The following CCDC148 variants were observed in gnomAD, a reference collection of about 807,000 sequenced individuals.
CCDC148 encodes coiled-coil domain containing 148.
A neutral mutation model predicts 85.7 loss-of-function variants in CCDC148; 89 were observed. That is an observed-to-expected ratio of 1.04 (90% CI 0.87 to 1.24). The LOEUF is 1.24. Among genes scored for constraint, CCDC148 ranks in the 50% most tolerant of loss-of-function variants. The pLI is 0.00. For missense variants in CCDC148, 692 were observed against 671.7 expected (o/e 1.03, Z -0.33); for synonymous variants, 230 against 213.9 (o/e 1.08, Z -0.66).
intron 10 of CCDC148, among the ~76,000 whole-genome samples, chr2:158,245,224 G>T (rs1325905540): frequency 1.3e-5 from 2 of 152,050 alleles, no homozygotes; most frequent in African/African-American, 4.8e-5. Context: ...CCTCTTCTTG[G>T]TTCTCTGCAG....
At chr2:158,435,487 T>C (rs1687601633) in intron 1 of CCDC148, among the ~76,000 whole-genome samples, 1 of 152,064 alleles carries the variant, frequency 6.6e-6, no homozygotes, top group Non-Finnish European at 1.5e-5. Flanking sequence ...GCAATAAACA[T>C]GGAAAGCAAC....
At chr2:158,368,254 A>AT (rs1419640898) in intron 1 of CCDC148, among the ~76,000 whole-genome samples, 3 of 152,156 alleles carry the variant, frequency 2.0e-5, no homozygotes, top group African/African-American at 7.2e-5. Context: ...AATAATGGGC[A>AT]TATGTTCTTT....
intron 7 of CCDC148, among the ~76,000 whole-genome samples, chr2:158,332,127 T>A (rs953548339): frequency 1.2e-4 from 19 of 152,154 alleles, no homozygotes; most frequent in Non-Finnish European, 2.4e-4. Flanking sequence ...TTTGGCATGT[T>A]TTTGCAGTGG....
chr2:158,311,059 C>T (rs558939414), intron 8 of CCDC148, among the ~76,000 whole-genome samples: 3 of 152,282 alleles, frequency 2.0e-5, no homozygotes, highest in South Asian at 2.1e-4. Flanking sequence ...TGCTCACTTC[C>T]TAGGCGGGGT....
intron 9 of CCDC148, among the ~76,000 whole-genome samples, chr2:158,254,189 A>G (rs534500339): frequency 1.3e-5 from 2 of 151,856 alleles, no homozygotes; most frequent in African/African-American, 2.4e-5. Flanking sequence ...AAAAGAAATT[A>G]TGAGATAATT....
chr2:158,332,456 A>C (rs1693183188), intron 7 of CCDC148, among the ~76,000 whole-genome samples: 1 of 112,056 alleles, frequency 8.9e-6, no homozygotes, highest in South Asian at 2.4e-4. Flanking sequence ...CCCTCATTTC[A>C]ACTTTGGTGA....
At chr2:158,178,706 G>C (rs1209813021) in intron 12 of CCDC148, among the ~76,000 whole-genome samples, 173 bp downstream of exon 12, 1 of 152,048 alleles carries the variant, frequency 6.6e-6, no homozygotes, top group Admixed American at 6.6e-5. Context: ...AACTGGAAAT[G>C]GTTCAATATA....
chr2:158,287,646 C>T (rs1477676297), intron 9 of CCDC148, among the ~76,000 whole-genome samples: 1 of 152,202 alleles, frequency 6.6e-6, no homozygotes, highest in Admixed American at 6.5e-5. Context: ...TTTCCGTGAT[C>T]TTGAGCAGCT....
chr2:158,361,399 G>T lies in CCDC148; in HGVS notation c.26-2829C>A, dbSNP rs138325645. ...GAGATTCACCAAGGTAGAAATGAAG[G>T]AAAAAATGTTAAGGGCAGTCAGAGA... is the stretch of plus-strand genomic sequence containing the variant. On this transcript the variant is annotated intron_variant, in intron 1 of 13. Coordinates refer to ENST00000283233, the MANE Select transcript of CCDC148 (RefSeq NM_138803.4). 7.0e-4 allele frequency among the ~76,000 whole-genome samples: 107 copies of T among 152,148 alleles called. 2 individuals are homozygous for T. In the East Asian group the frequency reaches 0.02, roughly 28 times the overall value.
chr2:158,339,125 A>C, intron 5 of CCDC148, 40 bp from the exon 6 acceptor site: 2 of 1,287,752 alleles, frequency 1.6e-6, no homozygotes, highest in Non-Finnish European at 2.3e-6. Context: ...AAATTATTGC[A>C]ATTCATTCCA....
chr2:158,295,771 C>T (rs540560501), intron 9 of CCDC148, among the ~76,000 whole-genome samples: 13 of 150,514 alleles, frequency 8.6e-5, no homozygotes, highest in African/African-American at 2.9e-4. Flanking sequence ...CAATATCATA[C>T]TGAATGGGCA....
At position 158,178,885 on chromosome 2, in the gene CCDC148, C is replaced by A. The variant is rs773391204; in HGVS notation, c.1482G>T (p.Arg494Ser). ...ATTTCCAAATGAAAAACACCTGTTT[C>A]CTAAGGGCTTCTAGCCGCCGTGCTC... ...KERARRLEAL[R>S]KQVAVVAQFD... The change falls in exon 12 of 14, where the codon AGG becomes AGT. Residue 494 changes from arginine to serine, a missense_variant. Coordinates refer to ENST00000283233, the MANE Select transcript of CCDC148 (RefSeq NM_138803.4). 5 of 1,611,590 alleles carry A rather than the reference C, an allele frequency of 3.1e-6. No homozygotes were observed. The highest frequency in any genetic ancestry group is 4.2e-6 in the Non-Finnish European group (5 of 1,178,368).
intron 7 of CCDC148, 65 bp downstream of exon 7, chr2:158,338,661 G>A (rs367936711): frequency 1.1e-5 from 13 of 1,184,052 alleles, no homozygotes; most frequent in Non-Finnish European, 1.6e-5. Context: ...GAAGTATAGT[G>A]ATCCCAAACA....
intron 3 of CCDC148, among the ~76,000 whole-genome samples, chr2:158,341,948 A>C (rs1193575915): frequency 9.0e-6 from 1 of 110,694 alleles, no homozygotes; most frequent in Admixed American, 9.2e-5. Flanking sequence ...TTTTTTAGAT[A>C]TTTCTAAATA....
chr2:158,407,255 G>A (rs1686067020), intron 1 of CCDC148, among the ~76,000 whole-genome samples: 1 of 152,110 alleles, frequency 6.6e-6, no homozygotes, highest in Admixed American at 6.5e-5. Context: ...GGCATATGCT[G>A]CCAGCTCTCT....
intron 1 of CCDC148, among the ~76,000 whole-genome samples, chr2:158,375,464 C>G (rs981095055): frequency 9.9e-5 from 15 of 152,080 alleles, no homozygotes; most frequent in African/African-American, 3.6e-4. Flanking sequence ...AAAGCGAAGG[C>G]CACAAGCAAG....
intron 7 of CCDC148, 122 bp from the exon 8 acceptor site, chr2:158,314,016 A>C: frequency 1.1e-6 from 1 of 875,240 alleles, no homozygotes; most frequent in South Asian, 2.2e-5. Context: ...GTGTATTTTA[A>C]ATACATTAGC....
chr2:158,246,173 T>C (rs1194181581), intron 10 of CCDC148, among the ~76,000 whole-genome samples: 1 of 151,936 alleles, frequency 6.6e-6, no homozygotes, highest in Non-Finnish European at 1.5e-5. Context: ...GCCAGTCCCT[T>C]AGGAAAAGGG....
chr2:158,248,988 A>G (rs894845734), intron 10 of CCDC148, among the ~76,000 whole-genome samples: 6 of 151,950 alleles, frequency 3.9e-5, no homozygotes, highest in African/African-American at 9.7e-5. Context: ...TCTCTCTCTC[A>G]TCTTTTAAAT....
Sources: gnomAD v4.1 joint callset for allele counts (sites outside exome capture counted in the v4.1 genomes callset) on GRCh38, gnomAD v4.1.1 for gene constraint, MANE v1.5 for transcripts, NCBI Gene and HGNC (gene_info 2026-07-23, HGNC 2026-07-21) for gene names.